The following RIMBP2 variants were observed in gnomAD, a reference collection of about 807,000 sequenced individuals.
RIMBP2 encodes the protein RIMS-binding protein 2.
In RIMBP2, 48 loss-of-function variants were observed where a neutral mutation model predicts 118.6. The observed-to-expected ratio is 0.40, with a 90% CI of 0.32 to 0.51. The LOEUF (loss-of-function observed/expected upper bound fraction) is 0.51, where lower values mean the gene tolerates loss of function less well. Among genes scored for constraint, RIMBP2 ranks in the 20% least tolerant of loss-of-function variants. RIMBP2 has a pLI of 0.41. For missense variants in RIMBP2, 1,551 were observed against 1,768.3 expected (o/e 0.88, Z 2.20); for synonymous variants, 762 against 742.9 (o/e 1.03, Z -0.42).
intron 1 of RIMBP2, among the ~76,000 whole-genome samples, chr12:130,686,655 G>T (rs1249624753): frequency 3.9e-5 from 6 of 152,246 alleles, no homozygotes; most frequent in Non-Finnish European, 8.8e-5. Context: ...CCCGGGCCAC[G>T]CGCACATGGC....
chr12:130,641,122 G>A (rs1480040710), intron 1 of RIMBP2, among the ~76,000 whole-genome samples: 2 of 152,178 alleles, frequency 1.3e-5, no homozygotes, highest in Non-Finnish European at 2.9e-5. Flanking sequence ...CCAGCACAGT[G>A]CTCTACTCGC....
chr12:130,499,317 G>A (rs1361469780), intron 4 of RIMBP2, among the ~76,000 whole-genome samples: 2 of 152,196 alleles, frequency 1.3e-5, no homozygotes, highest in African/African-American at 4.8e-5. Context: ...TTGTGATACA[G>A]CAATAGCTAA....
At chr12:130,648,592 T>C in intron 1 of RIMBP2, among the ~76,000 whole-genome samples, 1 of 146,000 alleles carries the variant, frequency 6.8e-6, no homozygotes, top group Non-Finnish European at 1.5e-5. Flanking sequence ...TTTAAAATTT[T>C]TTCTACAATA....
At chr12:130,403,871 T>C (rs1476509317) in intron 21 of RIMBP2, among the ~76,000 whole-genome samples, 3 of 152,204 alleles carry the variant, frequency 2.0e-5, no homozygotes. Context: ...AATTTACTGA[T>C]GAAAAATAAG....
intron 1 of RIMBP2, among the ~76,000 whole-genome samples, chr12:130,636,517 A>G (rs7298798): frequency 0.71 from 108,001 of 152,070 alleles, 38,899 homozygotes; most frequent in Middle Eastern, 0.79. Flanking sequence ...GTATAATAGT[A>G]TCCCCTAATC....
At chr12:130,588,498 C>T (rs2059058483) in intron 2 of RIMBP2, among the ~76,000 whole-genome samples, 1 of 152,194 alleles carries the variant, frequency 6.6e-6, no homozygotes, top group African/African-American at 2.4e-5. Context: ...AATGTGCCAC[C>T]TTGTCCCGGT....
intron 1 of RIMBP2, among the ~76,000 whole-genome samples, chr12:130,685,888 A>C (rs901747205): frequency 9.9e-5 from 15 of 152,178 alleles, no homozygotes; most frequent in African/African-American, 3.6e-4. Context: ...AATGCGCATC[A>C]GCCAATCTTT....
chr12:130,705,109 G>A (rs4759758), intron 1 of RIMBP2, among the ~76,000 whole-genome samples: 90,227 of 152,092 alleles, frequency 0.59, 30,271 homozygotes, highest in Non-Finnish European at 0.77. Context: ...GCCTCTGGGG[G>A]CTCCTCTCCG....
rs769388499 is a variant in RIMBP2 at position 130,424,888 on chromosome 12, C to T, written c.2413-30G>A. 1,328 of 1,202,246 alleles carry T rather than the reference C, an allele frequency of 1.1e-3. 1 individual carries two copies. Among genetic ancestry groups the T allele is most frequent in the Non-Finnish European group, 1.3e-3 (1,269 of 961,344 alleles). 74.5% of individuals were successfully genotyped at this position (1,202,246 alleles called of 1,614,324 possible). A position where few individuals can be genotyped will look rare whatever the true frequency, so the allele number is the denominator to read the frequency against. On this transcript the variant is annotated intron_variant, in intron 15 of 22. Coordinates refer to ENST00000690449, the MANE Select transcript of RIMBP2 (RefSeq NM_001393629.1). The surrounding 1 kb of genome is among the most constrained non-coding windows in gnomAD (Gnocchi z 9.8). ...CGGGGTGGTGTGTCAAGAACAGGCGCGGGAAAGAGTGTGTGGTCAGCATGA... is the reference window on the plus strand; with the variant it reads ...CGGGGTGGTGTGTCAAGAACAGGCGTGGGAAAGAGTGTGTGGTCAGCATGA...
At chr12:130,625,923 T>C (rs2061594184) in intron 2 of RIMBP2, among the ~76,000 whole-genome samples, 1 of 152,210 alleles carries the variant, frequency 6.6e-6, no homozygotes, top group Non-Finnish European at 1.5e-5. Flanking sequence ...CACCACTCAG[T>C]TGAAACACAC....
chr12:130,579,708 T>C (rs1209956712), intron 2 of RIMBP2, among the ~76,000 whole-genome samples: 24 of 151,916 alleles, frequency 1.6e-4, no homozygotes, highest in Admixed American at 1.6e-3. Flanking sequence ...ATCTGTCCTG[T>C]GTACTAAGGC....
chr12:130,687,003 G>C (rs997204241), intron 1 of RIMBP2, among the ~76,000 whole-genome samples: 1 of 152,206 alleles, frequency 6.6e-6, no homozygotes. Context: ...TTAGAGACCC[G>C]CTTCCAAATA....
At chr12:130,646,039 T>TTCCCTCTCCACCTCCCTCTCCACC (rs1356753857) in intron 1 of RIMBP2, among the ~76,000 whole-genome samples, 1 of 142,488 alleles carries the variant, frequency 7.0e-6, no homozygotes. Flanking sequence ...CGGCAGCCAG[T>TTCCCTCTCCACCTCCCTCTCCACC]TCCCTCTCCA....
chr12:130,437,053 A>G lies in RIMBP2; in HGVS notation c.1895T>C (p.Leu632Pro). The G allele has an allele frequency of 6.4e-7, 1 of 1,574,650 alleles. No homozygotes were observed. Among genetic ancestry groups the G allele is most frequent in the Non-Finnish European group, 8.6e-7 (1 of 1,157,402 alleles). ...CTCATCCATCCTGGCGTGGGGACCC[A>G]GGTGCTCGTCTTTGGTTTCGGGGAC... ...SGVPETKDEH[L>P]GPHARMDEAW... is the part of the protein sequence containing the mutation. Residue 632 changes from leucine (L) to proline (P), a missense_variant, in exon 13 of 23, where the codon CTG (leucine) becomes CCG (proline). Physicochemically the swap from Leu to Pro is moderately conservative, Grantham distance 98. Transcript: ENST00000690449.
intron 6 of RIMBP2, among the ~76,000 whole-genome samples, chr12:130,459,047 A>AAC (rs919693285): frequency 1.2e-4 from 3 of 25,700 alleles, no homozygotes; most frequent in Admixed American, 7.5e-4. Flanking sequence ...TCTGTCTCAA[A>AAC]AAAAAAAAAA....
chr12:130,559,551 T>A (rs188651377), intron 2 of RIMBP2, among the ~76,000 whole-genome samples: 2 of 152,334 alleles, frequency 1.3e-5, no homozygotes, highest in African/African-American at 4.8e-5. Flanking sequence ...CATTTCTTTA[T>A]CCTTATATCC....
intron 1 of RIMBP2, among the ~76,000 whole-genome samples, chr12:130,646,108 C>T (rs1400519456): frequency 2.9e-4 from 39 of 134,666 alleles, no homozygotes; most frequent in Admixed American, 6.9e-4. Flanking sequence ...CCTCCCTCTC[C>T]ACCTCCCTCA....
chr12:130,561,145 A>AAAAAG (rs1276595997), intron 2 of RIMBP2, among the ~76,000 whole-genome samples: 2 of 152,208 alleles, frequency 1.3e-5, no homozygotes, highest in African/African-American at 2.4e-5. Context: ...GAGAGGCCAG[A>AAAAAG]ACAGGGGCTC....
At chr12:130,659,761 T>C (rs1445783275) in intron 1 of RIMBP2, among the ~76,000 whole-genome samples, 1 of 151,786 alleles carries the variant, frequency 6.6e-6, no homozygotes, top group East Asian at 1.9e-4. Context: ...TCATCTGAGG[T>C]CAGGAGTTAG....
Sources: allele counts gnomAD v4.1 joint callset (sites outside exome capture counted in the v4.1 genomes callset), GRCh38; gene constraint gnomAD v4.1.1; non-coding constraint Gnocchi (gnomAD v3.1); transcripts MANE v1.5; gene names NCBI Gene and HGNC (gene_info 2026-07-23, HGNC 2026-07-21).